C6orf52: variants seen among roughly 807,000 people sequenced by gnomAD.
C6orf52 encodes the protein chromosome 6 open reading frame 52, also known as putative uncharacterized protein C6orf52.
In C6orf52, 16 loss-of-function variants were observed where a neutral mutation model predicts 16.6. The ratio of observed to expected loss-of-function variants is 0.96; its 90% CI spans 0.65 to 1.46. The LOEUF (loss-of-function observed/expected upper bound fraction) is 1.46. Ranked by LOEUF, C6orf52 falls within the 40% of genes most tolerant of loss-of-function variation. The probability of loss-of-function intolerance (pLI) is 0.00; values close to 1 mark genes in which losing one functional copy is unlikely to be tolerated. For synonymous variants in C6orf52, 53 were observed against 61.4 expected (o/e 0.86, Z 0.64); for missense variants, 166 against 182.3 (o/e 0.91, Z 0.52).
chr6:10,689,014 A>G (rs1251988981), intron 1 of C6orf52, among the ~76,000 whole-genome samples: 6 of 151,050 alleles, frequency 4.0e-5, no homozygotes, highest in East Asian at 3.9e-4. Context: ...GTTTCACCAC[A>G]TTGCCCAGGC....
chr6:10,691,286 C>T lies in C6orf52; in HGVS notation c.-12+3208G>A, dbSNP rs568443938. ...GGCTTTATTCGGCCGGGATCTTCGG[C>T]AAGACTCACGTCTCCAACAACCAAG... On this transcript the variant is annotated intron_variant, in intron 1 of 4. Coordinates refer to ENST00000259983, the MANE Select transcript of C6orf52 (RefSeq NM_001145020.3). Among the ~76,000 whole-genome samples, 11 of 152,270 alleles carry T rather than the reference C, an allele frequency of 7.2e-5. No homozygotes were observed. The South Asian group carries it at 2.3e-3, about 32-fold the overall frequency.
chr6:10,684,920 G>A (rs979773728), intron 3 of C6orf52: 7 of 1,282,092 alleles, frequency 5.5e-6, no homozygotes, highest in Admixed American at 4.8e-5. Context: ...GGCACAGGGG[G>A]TCACTACAGC....
At position 10,694,598 on chromosome 6, in the gene C6orf52, AAGCAACCG is replaced by A; in HGVS notation, c.-124_-117del. On this transcript the variant is annotated 5_prime_UTR_variant, in exon 1 of 5. Transcript: ENST00000259983. The stretch of plus-strand genomic sequence containing the variant: ...GCACGCTGCCGGCGCTACAGCCCCT[AAGCAACCG>A]GCCGGAAGTCGGCCCCACCTCCTCC... 2 of 172,164 alleles carry A rather than the reference AAGCAACCG, an allele frequency of 1.2e-5. No homozygotes were observed. Among genetic ancestry groups the A allele is most frequent in the Non-Finnish European group, 2.5e-5 (2 of 79,022 alleles). The allele number at this position is 172,164 out of a possible 1,614,324, so 10.7% of individuals were successfully genotyped here. A position where few individuals can be genotyped will look rare whatever the true frequency, so the allele number is the denominator to read the frequency against.
At chr6:10,684,578 C>T (rs1194476099) in intron 3 of C6orf52, among the ~76,000 whole-genome samples, 1 of 152,222 alleles carries the variant, frequency 6.6e-6, no homozygotes, top group Non-Finnish European at 1.5e-5. Flanking sequence ...AAAGGCTTTC[C>T]TCAGCTAGAG....
chr6:10,679,469 C>G (rs936928820), intron 4 of C6orf52, among the ~76,000 whole-genome samples: 5 of 150,546 alleles, frequency 3.3e-5, no homozygotes, highest in Non-Finnish European at 5.9e-5. Context: ...AAAAAAATAG[C>G]TCATTGCTAA....
At chr6:10,677,651 C>G (rs546345928) in intron 4 of C6orf52, among the ~76,000 whole-genome samples, 15 of 151,906 alleles carry the variant, frequency 9.9e-5, no homozygotes, top group African/African-American at 3.4e-4. Flanking sequence ...CCCACCTCAG[C>G]CTCCCGAGTA....
At chr6:10,686,123 C>T (rs888901252) in intron 3 of C6orf52, among the ~76,000 whole-genome samples, 13 of 152,180 alleles carry the variant, frequency 8.5e-5, no homozygotes, top group African/African-American at 2.9e-4. Context: ...CTCAAACTCC[C>T]GGACTCAAGT....
chr6:10,675,992 C>T (rs569981927), intron 4 of C6orf52, among the ~76,000 whole-genome samples: 1 of 152,142 alleles, frequency 6.6e-6, no homozygotes, highest in Admixed American at 6.6e-5. Flanking sequence ...ATTAGCTGGG[C>T]GTGGTGGCGA....
intron 3 of C6orf52, among the ~76,000 whole-genome samples, chr6:10,685,973 G>A (rs981457392): frequency 1.3e-5 from 2 of 152,194 alleles, no homozygotes; most frequent in African/African-American, 4.8e-5. Context: ...ACAAATGCTT[G>A]AAGATAGGTA....
At chr6:10,679,175 C>A (rs1391441219) in intron 4 of C6orf52, among the ~76,000 whole-genome samples, 1 of 151,890 alleles carries the variant, frequency 6.6e-6, no homozygotes, top group Admixed American at 6.6e-5. Flanking sequence ...CACGGTGGCT[C>A]ATGCCTGCAA....
chr6:10,691,525 G>A (rs1412844125), intron 1 of C6orf52, among the ~76,000 whole-genome samples: 1 of 152,036 alleles, frequency 6.6e-6, no homozygotes, highest in Non-Finnish European at 1.5e-5. Flanking sequence ...TTAGGTCAGG[G>A]GTCGATCTTT....
intron 4 of C6orf52, among the ~76,000 whole-genome samples, chr6:10,682,633 T>G (rs1411517369): frequency 6.6e-6 from 1 of 152,236 alleles, no homozygotes; most frequent in East Asian, 1.9e-4. Context: ...TTCTCTGCAT[T>G]TCTCCTCTAT....
intron 4 of C6orf52, among the ~76,000 whole-genome samples, chr6:10,675,004 G>T (rs912096957): frequency 3.3e-5 from 5 of 151,488 alleles, no homozygotes; most frequent in Admixed American, 6.6e-5. Context: ...AGAGATGAGG[G>T]TTCACCATGT....
At chr6:10,686,924 T>C in intron 3 of C6orf52, 42 bp downstream of exon 3, 1 of 1,373,966 alleles carries the variant, frequency 7.3e-7, no homozygotes, top group Non-Finnish European at 9.9e-7. Context: ...TTACTATTAT[T>C]GGGCACACGA....
chr6:10,693,752 G>A (rs1769569234), intron 1 of C6orf52, among the ~76,000 whole-genome samples: 1 of 152,004 alleles, frequency 6.6e-6, no homozygotes, highest in Non-Finnish European at 1.5e-5. Flanking sequence ...TTCTTTGAAA[G>A]GGGGCCTGGC....
intron 1 of C6orf52, among the ~76,000 whole-genome samples, chr6:10,693,720 C>T (rs557172056): frequency 1.8e-4 from 27 of 152,024 alleles, no homozygotes; most frequent in Non-Finnish European, 3.1e-4. Context: ...ATCTCTAAAC[C>T]TTATTAAATA....
At chr6:10,687,841 G>A (rs1410033886) in intron 1 of C6orf52, among the ~76,000 whole-genome samples, 2 of 152,106 alleles carry the variant, frequency 1.3e-5, no homozygotes, top group African/African-American at 4.8e-5. Context: ...CAGGCAGCGG[G>A]AGCCAGCAGA....
chr6:10,693,529 A>T (rs978376340), intron 1 of C6orf52, among the ~76,000 whole-genome samples: 1 of 152,238 alleles, frequency 6.6e-6, no homozygotes, highest in African/African-American at 2.4e-5. Flanking sequence ...TATTGGAAAC[A>T]AAAGGGTCTA....
At chr6:10,671,686 G>A in intron 4 of C6orf52, 88 bp from the exon 5 acceptor site, 1 of 834,874 alleles carries the variant, frequency 1.2e-6, no homozygotes, top group Non-Finnish European at 1.8e-6. Context: ...CTTTTAGAAA[G>A]CATTTGCAGG....
Sources: allele counts gnomAD v4.1 joint callset (sites outside exome capture counted in the v4.1 genomes callset), GRCh38; gene constraint gnomAD v4.1.1; transcripts MANE v1.5; gene names NCBI Gene and HGNC (gene_info 2026-07-23, HGNC 2026-07-21).